COL24A1: variants seen among roughly 807,000 people sequenced by gnomAD.
COL24A1 encodes collagen type XXIV alpha 1 chain, also known as collagen alpha-1(XXIV) chain.
COL24A1 carries 224 observed loss-of-function variants against 253.9 expected under a neutral mutation model. The observed-to-expected ratio is 0.88, with a 90% CI of 0.79 to 0.99. COL24A1 has a LOEUF of 0.99. Ranked by LOEUF, COL24A1 falls within the 50% of genes least tolerant of loss-of-function variation. The pLI is 0.00. For synonymous variants in COL24A1, 685 were observed against 673.7 expected, an observed-to-expected ratio of 1.02 and a Z score of -0.26; for missense variants, 2,131 against 2,068.5, an observed-to-expected ratio of 1.03 and a Z score of -0.59.
At chr1:86,116,081 CACTT>C (rs2102191247) in intron 3 of COL24A1, among the ~76,000 whole-genome samples, 1 of 152,232 alleles carries the variant, frequency 6.6e-6, no homozygotes, top group South Asian at 2.1e-4. Context: ...TTGTCTTCTT[CACTT>C]ACTTTAACAA....
intron 4 of COL24A1, among the ~76,000 whole-genome samples, chr1:86,114,833 A>G (rs953883093): frequency 1.3e-5 from 2 of 152,208 alleles, no homozygotes; most frequent in Non-Finnish European, 2.9e-5. Context: ...TAATTTTAAC[A>G]TAGCAATAAG....
At chr1:85,746,534 T>C (rs894995776) in intron 55 of COL24A1, among the ~76,000 whole-genome samples, 8 of 152,156 alleles carry the variant, frequency 5.3e-5, no homozygotes, top group African/African-American at 1.7e-4. Context: ...AAATCCTAAT[T>C]ACCAATTGAG....
rs974113645 is a variant in COL24A1 at position 86,065,147 on chromosome 1, G to C, written c.1708-1388C>G. 3.9e-4 allele frequency among the ~76,000 whole-genome samples: 59 copies of C among 152,134 alleles called. 1 individual carries two copies. Among genetic ancestry groups the C allele is most frequent in the Admixed American group, 3.3e-3 (50 of 15,276 alleles). On this transcript the variant is annotated intron_variant, in intron 7 of 59. Coordinates refer to ENST00000370571, the MANE Select transcript of COL24A1 (RefSeq NM_152890.7). ...GGAGGATGACAAATAAAGAGCCAGGGTAGGAGGCTCATAGGTTACAGAGAC... is the reference window on the plus strand; with the variant it reads ...GGAGGATGACAAATAAAGAGCCAGGCTAGGAGGCTCATAGGTTACAGAGAC...
At chr1:85,947,837 C>T (rs1318413313) in intron 24 of COL24A1, among the ~76,000 whole-genome samples, 1 of 152,148 alleles carries the variant, frequency 6.6e-6, no homozygotes, top group East Asian at 1.9e-4. Flanking sequence ...ATGGAAGCCC[C>T]TCAACCCCCG....
intron 57 of COL24A1, among the ~76,000 whole-genome samples, chr1:85,742,143 T>TC (rs1293141714): frequency 2.7e-5 from 4 of 150,748 alleles, no homozygotes; most frequent in Non-Finnish European, 4.4e-5. Context: ...TTTTCTTTTT[T>TC]TTTCTTTTGA....
intron 20 of COL24A1, among the ~76,000 whole-genome samples, chr1:85,986,105 C>T (rs1693699780): frequency 6.6e-6 from 1 of 151,852 alleles, no homozygotes; most frequent in South Asian, 2.1e-4. Flanking sequence ...CCTGTGCTCT[C>T]ACAGTATTGC....
At chr1:85,885,269 C>T (rs1272487765) in intron 32 of COL24A1, among the ~76,000 whole-genome samples, 4 of 151,552 alleles carry the variant, frequency 2.6e-5, no homozygotes, top group Admixed American at 6.6e-5. Flanking sequence ...GGCGCGATCT[C>T]GGCTCACTGC....
intron 37 of COL24A1, among the ~76,000 whole-genome samples, chr1:85,850,287 A>T (rs1677613925): frequency 6.6e-6 from 1 of 152,216 alleles, no homozygotes; most frequent in Non-Finnish European, 1.5e-5. Flanking sequence ...ATGAAAATAG[A>T]AATCTCAAAT....
intron 39 of COL24A1, among the ~76,000 whole-genome samples, chr1:85,847,450 AT>A (rs1417775770): frequency 3.3e-5 from 5 of 151,858 alleles, no homozygotes; most frequent in Non-Finnish European, 5.9e-5. Context: ...TTCCATTTTC[AT>A]TTTTTTCTCT....
chr1:85,975,678 C>T (rs904392496), intron 20 of COL24A1, among the ~76,000 whole-genome samples: 3 of 152,126 alleles, frequency 2.0e-5, no homozygotes, highest in African/African-American at 7.2e-5. Flanking sequence ...ACATCATGGA[C>T]TTTTGCTCCA....
At chr1:85,890,404 C>T (rs1488159731) in intron 31 of COL24A1, among the ~76,000 whole-genome samples, 1 of 95,160 alleles carries the variant, frequency 1.1e-5, no homozygotes, top group African/African-American at 4.4e-5. Context: ...CTTGGCCACA[C>T]AAATTTTCTT....
intron 20 of COL24A1, among the ~76,000 whole-genome samples, chr1:85,981,516 A>G (rs1021590707): frequency 1.2e-4 from 18 of 152,206 alleles, no homozygotes; most frequent in African/African-American, 4.3e-4. Context: ...CAAAGACTTG[A>G]ACCTAAGACC....
At chr1:85,780,590 C>T (rs77139550) in intron 52 of COL24A1, among the ~76,000 whole-genome samples, 14,598 of 152,208 alleles carry the variant, frequency 0.096, 856 homozygotes, top group Middle Eastern at 0.17. Context: ...ATGTAATCCA[C>T]GAGGTCTATC....
intron 53 of COL24A1, among the ~76,000 whole-genome samples, chr1:85,768,188 G>A (rs392038): frequency 0.77 from 116,579 of 151,946 alleles, 45,054 homozygotes; most frequent in Non-Finnish European, 0.82. Flanking sequence ...GAATAGAAAG[G>A]AGGTTAGTGT....
intron 1 of COL24A1, among the ~76,000 whole-genome samples, chr1:86,150,236 G>A (rs897997367): frequency 6.6e-6 from 1 of 152,118 alleles, no homozygotes; most frequent in Non-Finnish European, 1.5e-5. Flanking sequence ...CCCCACCTCT[G>A]TACTTTTGAT....
At chr1:85,769,048 A>G (rs1558050479) in intron 53 of COL24A1, among the ~76,000 whole-genome samples, 2 of 152,136 alleles carry the variant, frequency 1.3e-5, no homozygotes, top group Non-Finnish European at 2.9e-5. Context: ...TTTATCCTCT[A>G]GAGTTACTCA....
At chr1:85,957,193 G>A (rs1040963128) in intron 24 of COL24A1, among the ~76,000 whole-genome samples, 5 of 152,106 alleles carry the variant, frequency 3.3e-5, no homozygotes, top group African/African-American at 4.8e-5. Flanking sequence ...CCTGTCAGGG[G>A]ATGGGGTGCA....
intron 8 of COL24A1, among the ~76,000 whole-genome samples, 158 bp downstream of exon 8, chr1:86,063,557 T>C (rs1701259998): frequency 6.6e-6 from 1 of 152,044 alleles, no homozygotes; most frequent in African/African-American, 2.4e-5. Context: ...AATAAAAAGA[T>C]CTACAGCTAA....
In COL24A1 at chr1:86,125,531, G is replaced by T. The variant is rs1401909836; in HGVS notation, c.805C>A (p.Pro269Thr). Residue 269 changes from proline to threonine, a missense_variant, in exon 3 of 60, where the codon CCC (proline) becomes ACC (threonine). Physicochemically the swap from Pro to Thr is conservative, Grantham distance 38. Transcript: ENST00000370571. ...TTTTCAGCAAATAGTTTGGGCGGGG[G>T]AGAGTGTTCCGGTATCTTTGTTGGT... ...LIPTKIPEHS[P>T]PPKLFAEKVL... 1 of 1,613,524 alleles carries T rather than the reference G, an allele frequency of 6.2e-7. No individual in the cohort carries two copies. The highest frequency in any genetic ancestry group is 2.2e-5 in the East Asian group (1 of 44,864).
Sources: allele counts gnomAD v4.1 joint callset (sites outside exome capture counted in the v4.1 genomes callset), GRCh38; gene constraint gnomAD v4.1.1; transcripts MANE v1.5; gene names NCBI Gene and HGNC (gene_info 2026-07-23, HGNC 2026-07-21).